Variants in ENOX1 observed in about 807,000 individuals in gnomAD.
ENOX1 encodes the protein candidate growth-related and time keeping constitutive hydroquinone (NADH) oxidase.
Under a neutral mutation model 82.5 loss-of-function variants are expected in ENOX1, and 42 were observed. The ratio of observed to expected loss-of-function variants is 0.51; its 90% CI spans 0.40 to 0.66. ENOX1 has a LOEUF of 0.66. Ranked by LOEUF, ENOX1 falls within the 30% of genes least tolerant of loss-of-function variation. The pLI is 0.00. For missense variants in ENOX1, 608 were observed against 811.6 expected, an observed-to-expected ratio of 0.75 and a Z score of 3.05; for synonymous variants, 271 against 282.2, an observed-to-expected ratio of 0.96 and a Z score of 0.40.
intron 11 of ENOX1, among the ~76,000 whole-genome samples, chr13:43,305,651 G>T (rs1319109580): frequency 6.6e-6 from 1 of 152,152 alleles, no homozygotes; most frequent in African/African-American, 2.4e-5. Context: ...CTGCTGGGCT[G>T]CTGCCACTAT....
intron 3 of ENOX1, among the ~76,000 whole-genome samples, chr13:43,421,183 A>G (rs1315363495): frequency 6.6e-6 from 1 of 152,218 alleles, no homozygotes; most frequent in Non-Finnish European, 1.5e-5. Context: ...TGTCAAACCC[A>G]TGAAATCAAA....
chr13:43,607,500 T>C (rs1488030255), intron 2 of ENOX1, among the ~76,000 whole-genome samples: 1 of 152,202 alleles, frequency 6.6e-6, no homozygotes, highest in African/African-American at 2.4e-5. Flanking sequence ...GGAGCAAAGC[T>C]ACAAAAATGT....
Position 43,322,428 on chromosome 13 carries a change from T to C in ENOX1, c.1217A>G (p.Glu406Gly), listed in dbSNP as rs764753700. 1 of 1,614,176 alleles carries C rather than the reference T, an allele frequency of 6.2e-7. No individual in the cohort carries two copies. Among genetic ancestry groups the C allele is most frequent in the South Asian group, 1.1e-5 (1 of 91,076 alleles). The change falls in exon 11 of 17, where the codon GAG (glutamate) becomes GGG (glycine). Residue 406 changes from glutamate to glycine, a missense_variant. Glu to Gly is a moderately conservative substitution (Grantham distance 98). Transcript: ENST00000690772. ...TTTCTTTGTAGGGCTGTCACAGTTC[T>C]CATCATCAGACATTTCCATTTCTTC... ...REEEMEMSDD[E>G]NCDSPTKKMR...
intron 1 of ENOX1, among the ~76,000 whole-genome samples, chr13:43,724,444 GA>G (rs200098869): frequency 0.034 from 5,232 of 152,222 alleles, 143 homozygotes; most frequent in Non-Finnish European, 0.055. Flanking sequence ...GACGGGGAGG[GA>G]ATTCTCCTAG....
At chr13:43,645,412 G>C (rs1360152657) in intron 2 of ENOX1, among the ~76,000 whole-genome samples, 3 of 152,132 alleles carry the variant, frequency 2.0e-5, no homozygotes, top group Admixed American at 1.3e-4. Flanking sequence ...TGCCACCAGA[G>C]CCTACCAAAG....
At chr13:43,416,305 T>C (rs2054541371) in intron 3 of ENOX1, among the ~76,000 whole-genome samples, 1 of 145,526 alleles carries the variant, frequency 6.9e-6, no homozygotes, top group African/African-American at 2.6e-5. Context: ...GCTCCCCACT[T>C]CCCAGACGGG....
chr13:43,526,213 T>G (rs1009474002), intron 2 of ENOX1, among the ~76,000 whole-genome samples: 1 of 152,168 alleles, frequency 6.6e-6, no homozygotes, highest in African/African-American at 2.4e-5. Context: ...GTTGCCTGAT[T>G]ATGAGTAAAA....
intron 2 of ENOX1, among the ~76,000 whole-genome samples, chr13:43,558,946 A>C (rs1001353296): frequency 2.0e-5 from 3 of 152,232 alleles, no homozygotes; most frequent in Non-Finnish European, 4.4e-5. Context: ...AGGACAAAAC[A>C]ATATGAGGAA....
chr13:43,463,317 G>A (rs1001018969), intron 3 of ENOX1, among the ~76,000 whole-genome samples: 7 of 152,086 alleles, frequency 4.6e-5, no homozygotes, highest in African/African-American at 1.2e-4. Flanking sequence ...AGCCACTACC[G>A]CCCCCAAGTC....
chr13:43,267,478 C>T (rs142000700), intron 13 of ENOX1, among the ~76,000 whole-genome samples: 6 of 152,334 alleles, frequency 3.9e-5, no homozygotes, highest in East Asian at 1.9e-4. Context: ...ATTCCCAGCA[C>T]GGGGCAATCC....
intron 2 of ENOX1, among the ~76,000 whole-genome samples, chr13:43,549,748 A>G (rs1253477755): frequency 3.3e-5 from 5 of 152,182 alleles, no homozygotes; most frequent in African/African-American, 7.2e-5. Context: ...TCAGTGTCCA[A>G]TGAAAATGAG....
intron 5 of ENOX1, among the ~76,000 whole-genome samples, chr13:43,387,533 T>C (rs1410761972): frequency 6.6e-6 from 1 of 152,050 alleles, no homozygotes; most frequent in Non-Finnish European, 1.5e-5. Context: ...GGCCTCCTCA[T>C]CCCCACTACT....
intron 3 of ENOX1, among the ~76,000 whole-genome samples, chr13:43,443,799 C>A (rs1336236141): frequency 6.6e-6 from 1 of 152,000 alleles, no homozygotes; most frequent in Non-Finnish European, 1.5e-5. Context: ...TCAGACCAGG[C>A]GAAGGAGAGG....
intron 8 of ENOX1, among the ~76,000 whole-genome samples, chr13:43,346,545 C>T (rs1009517747): frequency 9.2e-5 from 14 of 152,212 alleles, no homozygotes; most frequent in African/African-American, 9.7e-5. Flanking sequence ...TACTGAGTAT[C>T]GTAGCCACTT....
At chr13:43,489,009 A>G (rs1423478230) in intron 2 of ENOX1, among the ~76,000 whole-genome samples, 1 of 152,230 alleles carries the variant, frequency 6.6e-6, no homozygotes, top group Non-Finnish European at 1.5e-5. Flanking sequence ...TGTGGAGAAT[A>G]AAAATTAAGT....
At chr13:43,675,471 G>A (rs7984720) in intron 1 of ENOX1, among the ~76,000 whole-genome samples, 12,354 of 152,170 alleles carry the variant, frequency 0.081, 730 homozygotes, top group African/African-American at 0.17. Flanking sequence ...CTCTGCCTTA[G>A]CATGAATAGC....
At chr13:43,266,741 C>T (rs982131663) in intron 13 of ENOX1, among the ~76,000 whole-genome samples, 1 of 152,176 alleles carries the variant, frequency 6.6e-6, no homozygotes, top group East Asian at 1.9e-4. Flanking sequence ...AAAATCCCCT[C>T]ACTCTTTTCC....
At chr13:43,634,904 CAT>C (rs973430232) in intron 2 of ENOX1, among the ~76,000 whole-genome samples, 3 of 152,188 alleles carry the variant, frequency 2.0e-5, no homozygotes, top group Non-Finnish European at 4.4e-5. Flanking sequence ...ACTCTTAGAA[CAT>C]GTTTCTACAT....
intron 15 of ENOX1, among the ~76,000 whole-genome samples, chr13:43,232,758 A>T (rs1425190350): frequency 6.6e-6 from 1 of 152,174 alleles, no homozygotes; most frequent in Non-Finnish European, 1.5e-5. Context: ...TTACAGTTAA[A>T]AGTTGTGGAG....
Sources: allele counts gnomAD v4.1 joint callset (sites outside exome capture counted in the v4.1 genomes callset), GRCh38; gene constraint gnomAD v4.1.1; transcripts MANE v1.5; gene names NCBI Gene and HGNC (gene_info 2026-07-23, HGNC 2026-07-21).